DGKI: variants seen among roughly 807,000 people sequenced by gnomAD.
DGKI encodes the protein DAG kinase iota.
A neutral mutation model predicts 147.5 loss-of-function variants in DGKI; 55 were observed. The ratio of observed to expected loss-of-function variants is 0.37; its 90% CI spans 0.30 to 0.47. The LOEUF (loss-of-function observed/expected upper bound fraction) is 0.47, where lower values mean the gene tolerates loss of function less well. Among genes scored for constraint, DGKI ranks in the 20% least tolerant of loss-of-function variants. The pLI, the probability that DGKI is intolerant of heterozygous loss-of-function variation, is 1.00. For synonymous variants in DGKI, 469 were observed against 477.1 expected (o/e 0.98, Z 0.22); for missense variants, 1,007 against 1,323.8 (o/e 0.76, Z 3.71).
chr7:137,581,338 A>C (rs981400377), intron 15 of DGKI, among the ~76,000 whole-genome samples: 1 of 152,046 alleles, frequency 6.6e-6, no homozygotes, highest in Non-Finnish European at 1.5e-5. Flanking sequence ...CTTTCAACCT[A>C]AACTACCTAT....
chr7:137,582,221 G>C (rs1038819806), intron 14 of DGKI, among the ~76,000 whole-genome samples: 1 of 152,090 alleles, frequency 6.6e-6, no homozygotes, highest in Admixed American at 6.6e-5. Context: ...ATAGGAACTT[G>C]TTATGCTGAA....
intron 6 of DGKI, among the ~76,000 whole-genome samples, chr7:137,637,668 A>G (rs1464272394): frequency 6.6e-6 from 1 of 152,186 alleles, no homozygotes; most frequent in African/African-American, 2.4e-5. Flanking sequence ...CAGAACCTTG[A>G]TTTTTGCTTC....
At chr7:137,698,188 A>G (rs946233837) in intron 1 of DGKI, among the ~76,000 whole-genome samples, 7 of 151,946 alleles carry the variant, frequency 4.6e-5, no homozygotes, top group Admixed American at 6.6e-5. Flanking sequence ...ATATATAGAT[A>G]GATCCATATC....
At chr7:137,788,756 C>T (rs1441875852) in intron 1 of DGKI, among the ~76,000 whole-genome samples, 3 of 151,554 alleles carry the variant, frequency 2.0e-5, no homozygotes, top group Non-Finnish European at 4.4e-5. Context: ...CAAATGTCAC[C>T]TCCCTGCAGT....
At chr7:137,642,514 T>A (rs1821666559) in intron 6 of DGKI, among the ~76,000 whole-genome samples, 1 of 152,204 alleles carries the variant, frequency 6.6e-6, no homozygotes, top group African/African-American at 2.4e-5. Context: ...CTCATCAAAT[T>A]ACATAATTTG....
At position 137,517,333 on chromosome 7, in the gene DGKI, AAGAAAG is replaced by A. The variant is rs1233692074; in HGVS notation, c.2248+4527_2248+4532del. ...AAAGAAAGAAAGAAAGAAAGAAAGAAAGAAAGAGAAAGAAAGAAAGAAGGAAAGAAA... is the reference window on the plus strand; with the variant it reads ...AAAGAAAGAAAGAAAGAAAGAAAGAAAGAAAGAAAGAAAGAAGGAAAGAAA... On this transcript the variant is annotated intron_variant, in intron 21 of 32. Transcript: ENST00000614521. Among the ~76,000 whole-genome samples, 58 of 136,056 alleles carry A rather than the reference AAGAAAG, an allele frequency of 4.3e-4. 1 individual carries two copies. The highest frequency in any genetic ancestry group is 1.6e-3 in the East Asian group (7 of 4,470). The allele number at this position is 136,056 out of a possible 152,430, so 89.3% of individuals were successfully genotyped here.
rs1795458318 is a variant in DGKI, at chr7:137,750,300, T to C, written c.402-60298A>G. On this transcript the variant is annotated intron_variant, in intron 1 of 32. Coordinates refer to ENST00000614521, the MANE Select transcript of DGKI (RefSeq NM_001321708.2). ...AGATGCAGGTCTTCCTACTCCTGGT[T>C]CAGTGCTTCAACCTGGCAGATTCCA... Among the ~76,000 whole-genome samples, 3 of 152,246 alleles carry C rather than the reference T, an allele frequency of 2.0e-5. 1 individual carries two copies. In the South Asian group the frequency reaches 6.2e-4, roughly 32 times the overall value.
intron 3 of DGKI, among the ~76,000 whole-genome samples, chr7:137,675,817 T>C (rs1823017399): frequency 6.6e-6 from 1 of 152,184 alleles, no homozygotes; most frequent in African/African-American, 2.4e-5. Flanking sequence ...TTTATTGTTA[T>C]AAAGTTAGAG....
chr7:137,668,013 A>G (rs776015643), intron 3 of DGKI, among the ~76,000 whole-genome samples: 5 of 152,228 alleles, frequency 3.3e-5, no homozygotes, highest in African/African-American at 9.6e-5. Flanking sequence ...CTGAGACCCT[A>G]TGAGACTGTG....
At chr7:137,530,311 ACC>A (rs1817295441) in intron 20 of DGKI, among the ~76,000 whole-genome samples, 1 of 152,164 alleles carries the variant, frequency 6.6e-6, no homozygotes, top group Non-Finnish European at 1.5e-5. Context: ...CAACTAAGTT[ACC>A]AGAAGCTCCT....
At chr7:137,513,298 G>T (rs1355115761) in intron 21 of DGKI, among the ~76,000 whole-genome samples, 1 of 152,002 alleles carries the variant, frequency 6.6e-6, no homozygotes, top group East Asian at 1.9e-4. Flanking sequence ...ACCTTCTATT[G>T]CTCACCAGGT....
At position 137,387,683 on chromosome 7, in the gene DGKI, G is replaced by A. The variant is rs993409493; in HGVS notation, c.*3537C>T. 1 of 152,070 alleles carries A rather than the reference G, an allele frequency of 6.6e-6. No homozygotes were observed. The highest frequency in any genetic ancestry group is 2.4e-5 in the African/African-American group (1 of 41,412). The allele number at this position is 152,070 out of a possible 1,614,324, so 9.4% of individuals were successfully genotyped here. ...TGTTAACCGTATTTATTTTTGGGAA[G>A]TGGGACACAACACCAGAACAAAGGG... On this transcript the variant is annotated 3_prime_UTR_variant, in exon 33 of 33. Coordinates refer to ENST00000614521, the MANE Select transcript of DGKI (RefSeq NM_001321708.2).
At chr7:137,803,901 G>C (rs1797286132) in intron 1 of DGKI, among the ~76,000 whole-genome samples, 1 of 152,158 alleles carries the variant, frequency 6.6e-6, no homozygotes, top group Non-Finnish European at 1.5e-5. Flanking sequence ...TATCATCTTA[G>C]ATTCGTGAGG....
chr7:137,772,545 A>T (rs1342259106), intron 1 of DGKI, among the ~76,000 whole-genome samples: 1 of 152,160 alleles, frequency 6.6e-6, no homozygotes, highest in Non-Finnish European at 1.5e-5. Context: ...ATAATGAATG[A>T]CCTAAGCCCC....
At chr7:137,500,879 C>CATAAATTTATG (rs1816146841) in intron 21 of DGKI, among the ~76,000 whole-genome samples, 1 of 152,146 alleles carries the variant, frequency 6.6e-6, no homozygotes, top group African/African-American at 2.4e-5. Flanking sequence ...TAGAAGCAGT[C>CATAAATTTATG]TCAATCTTCT....
At chr7:137,537,314 G>A (rs965720886) in intron 20 of DGKI, among the ~76,000 whole-genome samples, 3 of 152,108 alleles carry the variant, frequency 2.0e-5, no homozygotes, top group Admixed American at 6.6e-5. Context: ...TTCACTATCC[G>A]ACCTTAAGAT....
At chr7:137,525,159 T>C (rs1436370516) in intron 20 of DGKI, among the ~76,000 whole-genome samples, 1 of 152,128 alleles carries the variant, frequency 6.6e-6, no homozygotes, top group Non-Finnish European at 1.5e-5. Flanking sequence ...ACATATGATC[T>C]CAGTTCATCT....
At chr7:137,821,534 A>G (rs1263384589) in intron 1 of DGKI, among the ~76,000 whole-genome samples, 1 of 152,198 alleles carries the variant, frequency 6.6e-6, no homozygotes, top group African/African-American at 2.4e-5. Flanking sequence ...GTTGTAAAGC[A>G]AAACAGAATA....
chr7:137,769,812 G>C (rs1280790456), intron 1 of DGKI, among the ~76,000 whole-genome samples: 1 of 152,200 alleles, frequency 6.6e-6, no homozygotes, highest in Non-Finnish European at 1.5e-5. Flanking sequence ...TTGTTAAAAA[G>C]TCAGGAAACA....
Sources: gnomAD v4.1 joint callset for allele counts (sites outside exome capture counted in the v4.1 genomes callset) on GRCh38, gnomAD v4.1.1 for gene constraint, MANE v1.5 for transcripts, NCBI Gene and HGNC (gene_info 2026-07-23, HGNC 2026-07-21) for gene names.